Variants in AGBL1 observed in about 807,000 individuals in gnomAD.
The protein encoded by AGBL1 is cytosolic carboxypeptidase 4.
A neutral mutation model predicts 118.9 loss-of-function variants in AGBL1; 130 were observed. That is an observed-to-expected ratio of 1.09 (90% CI 0.95 to 1.26). AGBL1 has a LOEUF of 1.26. Ranked by LOEUF, AGBL1 falls within the 50% of genes most tolerant of loss-of-function variation. The pLI is 0.00. For synonymous variants in AGBL1, 555 were observed against 478.9 expected, an observed-to-expected ratio of 1.16 and a Z score of -2.08; for missense variants, 1,584 against 1,298.1, an observed-to-expected ratio of 1.22 and a Z score of -3.38.
chr15:86,307,990 C>A (rs1248396918), intron 17 of AGBL1, among the ~76,000 whole-genome samples: 3 of 152,098 alleles, frequency 2.0e-5, no homozygotes, highest in African/African-American at 7.2e-5. Context: ...TTTTGCTATT[C>A]TTTATACTTT....
chr15:86,318,352 TTTG>T (rs2080049085), intron 17 of AGBL1, among the ~76,000 whole-genome samples: 1 of 152,200 alleles, frequency 6.6e-6, no homozygotes, highest in Non-Finnish European at 1.5e-5. Context: ...TTCAGAATAT[TTTG>T]TTATTTTCTT....
chr15:86,324,927 T>G (rs971244312), intron 17 of AGBL1, among the ~76,000 whole-genome samples: 3 of 152,030 alleles, frequency 2.0e-5, no homozygotes, highest in Admixed American at 6.5e-5. Context: ...GGAATGAGTT[T>G]GGTGTGTTTC....
intron 22 of AGBL1, among the ~76,000 whole-genome samples, chr15:86,820,757 T>C (rs977574272): frequency 6.6e-6 from 1 of 152,198 alleles, no homozygotes; most frequent in Admixed American, 6.5e-5. Context: ...TCAACCATTG[T>C]GGAAGACAGT....
intron 1 of AGBL1, among the ~76,000 whole-genome samples, chr15:86,133,090 G>GATT (rs2076840226): frequency 6.6e-6 from 1 of 152,154 alleles, no homozygotes; most frequent in Non-Finnish European, 1.5e-5. Context: ...GTCCAATAAT[G>GATT]TGGGTGAGGA....
At chr15:86,819,213 A>G (rs1055312742) in intron 22 of AGBL1, among the ~76,000 whole-genome samples, 1 of 152,090 alleles carries the variant, frequency 6.6e-6, no homozygotes, top group Non-Finnish European at 1.5e-5. Flanking sequence ...GTCGGTAGTG[A>G]TACTAATAGT....
intron 18 of AGBL1, among the ~76,000 whole-genome samples, chr15:86,412,785 C>A (rs1352919259): frequency 1.3e-5 from 2 of 152,184 alleles, no homozygotes; most frequent in African/African-American, 4.8e-5. Context: ...CCCACCATCT[C>A]TACTATCACC....
At chr15:86,380,430 G>T (rs144998159) in intron 17 of AGBL1, among the ~76,000 whole-genome samples, 4 of 150,626 alleles carry the variant, frequency 2.7e-5, no homozygotes, top group Non-Finnish European at 5.9e-5. Context: ...GATTACAGGC[G>T]TGCGCCACCT....
At chr15:86,375,295 C>T (rs570052090) in intron 17 of AGBL1, among the ~76,000 whole-genome samples, 3 of 152,254 alleles carry the variant, frequency 2.0e-5, no homozygotes, top group East Asian at 3.9e-4. Context: ...AAAGCAGGCA[C>T]CTTCTTCACA....
In AGBL1 at chr15:86,674,453, G is replaced by A. The variant is rs762291742; in HGVS notation, c.3158+17G>A. 2.5e-6 allele frequency: 4 copies of A among 1,591,954 alleles called. No homozygotes were observed. The highest frequency in any genetic ancestry group is 3.4e-6 in the Non-Finnish European group (4 of 1,163,850). ...CCTCCAACGGTAAGATGCTCCCAAG[G>A]GCTCAGAGAAATTTGGACCTTGGTG... On this transcript the variant is annotated intron_variant, in intron 22 of 22. Coordinates refer to ENST00000614907, the MANE Select transcript of AGBL1 (RefSeq NM_001386094.1).
intron 22 of AGBL1, among the ~76,000 whole-genome samples, chr15:86,785,125 T>A (rs529279099): frequency 5.9e-5 from 9 of 152,172 alleles, no homozygotes; most frequent in African/African-American, 2.2e-4. Flanking sequence ...CTCTGCCCTT[T>A]CCATCCCTGA....
intron 18 of AGBL1, among the ~76,000 whole-genome samples, chr15:86,492,270 G>A (rs532730808): frequency 4.6e-5 from 7 of 152,100 alleles, no homozygotes; most frequent in Non-Finnish European, 8.8e-5. Context: ...GGCAGCCCAC[G>A]GAGTCACATG....
chr15:86,574,570 A>ATTTTTTTTTTTTTTTTT, intron 21 of AGBL1, among the ~76,000 whole-genome samples: 1 of 83,758 alleles, frequency 1.2e-5, no homozygotes, highest in Non-Finnish European at 2.2e-5. Flanking sequence ...AAAAGTTTTA[A>ATTTTTTTTTTTTTTTTT]TTTTTTTTTT....
intron 5 of AGBL1, among the ~76,000 whole-genome samples, chr15:86,173,952 TG>T (rs1328430128): frequency 2.6e-5 from 4 of 152,150 alleles, no homozygotes; most frequent in Admixed American, 2.6e-4. Flanking sequence ...ATATGAATTT[TG>T]GAGGTTTTTC....
intron 22 of AGBL1, among the ~76,000 whole-genome samples, chr15:86,854,922 T>C (rs1480085957): frequency 1.3e-5 from 2 of 152,228 alleles, no homozygotes; most frequent in Non-Finnish European, 2.9e-5. Flanking sequence ...TCACTGCTTT[T>C]TGATGACTTC....
intron 6 of AGBL1, among the ~76,000 whole-genome samples, chr15:86,225,491 A>G (rs897297352): frequency 2.6e-5 from 4 of 152,202 alleles, no homozygotes; most frequent in African/African-American, 9.6e-5. Flanking sequence ...TTTATATTTA[A>G]AAGTTGACTC....
intron 1 of AGBL1, among the ~76,000 whole-genome samples, chr15:86,119,764 A>G (rs1281016100): frequency 6.6e-6 from 1 of 152,056 alleles, no homozygotes; most frequent in Non-Finnish European, 1.5e-5. Flanking sequence ...GACTGCAAGT[A>G]TCTCCTGGTT....
intron 18 of AGBL1, among the ~76,000 whole-genome samples, chr15:86,498,234 T>A (rs1402753384): frequency 6.6e-6 from 1 of 151,912 alleles, no homozygotes; most frequent in Admixed American, 6.6e-5. Context: ...ATTGCTTCCA[T>A]ATCTTGGTTT....
chr15:86,507,451 C>A (rs1056929399), intron 18 of AGBL1, among the ~76,000 whole-genome samples: 1 of 152,070 alleles, frequency 6.6e-6, no homozygotes, highest in Non-Finnish European at 1.5e-5. Flanking sequence ...GCTGAGGATA[C>A]AGTAGTTGAA....
intron 18 of AGBL1, among the ~76,000 whole-genome samples, chr15:86,487,665 C>T (rs7176645): frequency 0.11 from 15,962 of 151,902 alleles, 2,241 homozygotes; most frequent in African/African-American, 0.32. Context: ...AAGCTTAATG[C>T]ATTTAGTTTG....
Sources: allele counts gnomAD v4.1 joint callset (sites outside exome capture counted in the v4.1 genomes callset), GRCh38; gene constraint gnomAD v4.1.1; transcripts MANE v1.5; gene names NCBI Gene and HGNC (gene_info 2026-07-23, HGNC 2026-07-21).